MYRFL: variants seen among roughly 807,000 people sequenced by gnomAD.
MYRFL encodes the protein myelin regulatory factor like.
MYRFL carries 88 observed loss-of-function variants against 109.4 expected under a neutral mutation model. The ratio of observed to expected loss-of-function variants is 0.80; its 90% CI spans 0.68 to 0.96. The LOEUF is 0.96. Among genes scored for constraint, MYRFL ranks in the 40% least tolerant of loss-of-function variants. MYRFL has a pLI of 0.00. For missense variants in MYRFL, 957 were observed against 954.9 expected (o/e 1.00, Z -0.03); for synonymous variants, 324 against 320.9 (o/e 1.01, Z -0.10).
At chr12:69,853,894 C>A (rs1030153984) in intron 1 of MYRFL, among the ~76,000 whole-genome samples, 34 of 151,970 alleles carry the variant, frequency 2.2e-4, no homozygotes, top group African/African-American at 8.2e-4. Context: ...CTCCTCACAT[C>A]CCAGACGATG....
At chr12:69,871,231 CTTT>C (rs58723853) in intron 2 of MYRFL, among the ~76,000 whole-genome samples, 5 of 124,736 alleles carry the variant, frequency 4.0e-5, no homozygotes, top group Admixed American at 8.9e-5. Context: ...TTGGATATTT[CTTT>C]TTTTTTTTTT....
intron 13 of MYRFL, among the ~76,000 whole-genome samples, chr12:69,915,740 G>T (rs538225092): frequency 5.3e-5 from 8 of 152,188 alleles, no homozygotes; most frequent in African/African-American, 1.9e-4. Context: ...GAAAGCAAGG[G>T]GACCTGTAGG....
intron 11 of MYRFL, among the ~76,000 whole-genome samples, chr12:69,904,914 A>G (rs1220217979): frequency 1.3e-5 from 2 of 152,176 alleles, no homozygotes; most frequent in Non-Finnish European, 2.9e-5. Flanking sequence ...GCAAATCTGC[A>G]CTGGTTTTCC....
chr12:69,909,406 T>G lies in MYRFL; in HGVS notation c.1384-563T>G, dbSNP rs143758102. Among the ~76,000 whole-genome samples, 667 of 152,330 alleles carry G rather than the reference T, an allele frequency of 4.4e-3. 2 individuals carry two copies. Among genetic ancestry groups the G allele is most frequent in the Non-Finnish European group, 8.0e-3 (547 of 68,034 alleles). ...ATATGTTTTTGGTTCCTCTATCACA[T>G]GGATGAATGCCCAGGCAGTTTACTT... On this transcript the variant is annotated intron_variant, in intron 11 of 24. Coordinates refer to ENST00000552032, the MANE Select transcript of MYRFL (RefSeq NM_182530.3).
At chr12:69,889,670 A>T (rs1262653099) in intron 6 of MYRFL, among the ~76,000 whole-genome samples, 1 of 152,170 alleles carries the variant, frequency 6.6e-6, no homozygotes, top group Non-Finnish European at 1.5e-5. Context: ...TCTGGCCAAC[A>T]TGGCGAAACC....
At chr12:69,860,323 CCA>C (rs2136324290) in intron 2 of MYRFL, among the ~76,000 whole-genome samples, 1 of 152,212 alleles carries the variant, frequency 6.6e-6, no homozygotes, top group East Asian at 1.9e-4. Context: ...GTGTATATTA[CCA>C]CACTTTCTTT....
chr12:69,866,008 G>A (rs1884996113), intron 2 of MYRFL, among the ~76,000 whole-genome samples: 1 of 152,172 alleles, frequency 6.6e-6, no homozygotes, highest in Non-Finnish European at 1.5e-5. Context: ...TACAGATGGG[G>A]AGGATAAGGT....
chr12:69,842,984 A>G (rs1202949173), intron 1 of MYRFL, among the ~76,000 whole-genome samples: 1 of 152,238 alleles, frequency 6.6e-6, no homozygotes, highest in Non-Finnish European at 1.5e-5. Context: ...TAAGTAAATG[A>G]ATAAAGCAAT....
chr12:69,903,728 C>A lies in MYRFL; in HGVS notation c.1267C>A (p.Arg423=). 3 of 1,535,784 alleles carry A rather than the reference C, an allele frequency of 2.0e-6. No homozygotes were observed. The highest frequency in any genetic ancestry group is 1.7e-6 in the Non-Finnish European group (2 of 1,146,690). The change falls in exon 11 of 25, where the codon CGA becomes AGA. Residue 423 remains arginine (R), a synonymous_variant. Transcript: ENST00000552032. ...QVPESIVCHG[R]VGINTDAPDE... is the part of the protein sequence containing the mutation. ...TCCAGAATCTATTGTCTGTCACGGT[C>A]GAGTAGGAATCAACACAGATGCGCC...
At position 69,861,833 on chromosome 12, in the gene MYRFL, T is replaced by A. The variant is rs1201006465; in HGVS notation, c.137+6463T>A. On this transcript the variant is annotated intron_variant, in intron 2 of 24. Transcript: ENST00000552032. ...CATGAAGTCCTTGCCCATGCCTATG[T>A]CCTGAATGGTAATGCCTAGGTTTTC... 5.3e-5 allele frequency among the ~76,000 whole-genome samples: 8 copies of A among 151,138 alleles called. No homozygotes were observed. The East Asian group carries it at 1.6e-3, about 29-fold the overall frequency.
intron 2 of MYRFL, among the ~76,000 whole-genome samples, chr12:69,861,433 T>C (rs976268929): frequency 7.9e-5 from 12 of 152,274 alleles, no homozygotes; most frequent in South Asian, 4.1e-4. Flanking sequence ...TTTTAATGAT[T>C]GCCATTCTAA....
chr12:69,882,595 G>A (rs950923550), intron 5 of MYRFL, among the ~76,000 whole-genome samples: 4 of 152,132 alleles, frequency 2.6e-5, no homozygotes, highest in Non-Finnish European at 1.5e-5. Context: ...GTACACTTTG[G>A]CCAAGGGTTC....
At chr12:69,920,059 C>T (rs74101395) in intron 13 of MYRFL, among the ~76,000 whole-genome samples, 9,610 of 152,150 alleles carry the variant, frequency 0.063, 373 homozygotes, top group African/African-American at 0.099. Context: ...GCAATGGACC[C>T]AGGAGCTTCC....
At chr12:69,923,514 T>C (rs1231537654) in intron 13 of MYRFL, among the ~76,000 whole-genome samples, 2 of 152,282 alleles carry the variant, frequency 1.3e-5, no homozygotes, top group Non-Finnish European at 2.9e-5. Flanking sequence ...GTTTTAATTT[T>C]ATGTTTATAT....
intron 16 of MYRFL, among the ~76,000 whole-genome samples, chr12:69,932,862 CGTGTGT>C (rs3970822): frequency 6.7e-6 from 1 of 149,350 alleles, no homozygotes; most frequent in African/African-American, 2.5e-5. Flanking sequence ...CTGTGCCTTT[CGTGTGT>C]GTGTGTGTGT....
chr12:69,856,925 A>T lies in MYRFL; in HGVS notation c.137+1555A>T, dbSNP rs111714836. 9.0e-3 allele frequency among the ~76,000 whole-genome samples: 1,375 copies of T among 152,020 alleles called. 22 individuals are homozygous for T. Among genetic ancestry groups the T allele is most frequent in the African/African-American group, 0.031 (1,293 of 41,556 alleles). On this transcript the variant is annotated intron_variant, in intron 2 of 24. Transcript: ENST00000552032. ...ATGTCCAATTTATTGAATTTTTCTT[A>T]TATGACTTACGGTTTATAGCTAAGA...
intron 16 of MYRFL, among the ~76,000 whole-genome samples, chr12:69,935,770 G>A (rs1955432242): frequency 6.6e-6 from 1 of 152,206 alleles, no homozygotes; most frequent in Non-Finnish European, 1.5e-5. Flanking sequence ...TTCCTGCAAG[G>A]AGCAGTTGCC....
chr12:69,871,231 CTTTTTTT>C (rs58723853), intron 2 of MYRFL, among the ~76,000 whole-genome samples: 25 of 124,740 alleles, frequency 2.0e-4, no homozygotes, highest in African/African-American at 6.6e-4. Context: ...TTGGATATTT[CTTTTTTT>C]TTTTTTTTTT....
Position 69,825,412 on chromosome 12 carries a change from G to A in MYRFL, c.-106G>A. The A allele has an allele frequency of 1.4e-6, 1 of 690,368 alleles. No individual in the cohort carries two copies. Among genetic ancestry groups the A allele is most frequent in the Non-Finnish European group, 2.6e-6 (1 of 380,750 alleles). 42.8% of individuals were successfully genotyped at this position (690,368 alleles called of 1,614,324 possible). The stretch of plus-strand genomic sequence containing the variant: ...TTCACTCCAATAAAAAGAAAATGAA[G>A]ATTTTTCAAGAGCATTCGTAGGCTT... On this transcript the variant is annotated 5_prime_UTR_variant, in exon 1 of 25. Coordinates refer to ENST00000552032, the MANE Select transcript of MYRFL (RefSeq NM_182530.3).
Sources: allele counts gnomAD v4.1 joint callset (sites outside exome capture counted in the v4.1 genomes callset), GRCh38; gene constraint gnomAD v4.1.1; transcripts MANE v1.5; gene names NCBI Gene and HGNC (gene_info 2026-07-23, HGNC 2026-07-21).